The following PLA2G6 variants were observed in gnomAD, a reference collection of about 807,000 sequenced individuals.
PLA2G6 encodes the protein phospholipase A2 group VI, also known as 85/88 kDa calcium-independent phospholipase A2.
A neutral mutation model predicts 83.8 loss-of-function variants in PLA2G6; 62 were observed. The observed-to-expected ratio is 0.74, with a 90% CI of 0.60 to 0.91. The LOEUF (loss-of-function observed/expected upper bound fraction) is 0.91. Among genes scored for constraint, PLA2G6 ranks in the 40% least tolerant of loss-of-function variants. The pLI, the probability that PLA2G6 is intolerant of heterozygous loss-of-function variation, is 0.00. For synonymous variants in PLA2G6, 417 were observed against 449.8 expected, an observed-to-expected ratio of 0.93 and a Z score of 0.92; for missense variants, 944 against 1,102.0, an observed-to-expected ratio of 0.86 and a Z score of 2.03.
chr22:38,148,801 G>A (rs893995121), intron 2 of PLA2G6: 7 of 372,694 alleles, frequency 1.9e-5, no homozygotes, highest in Non-Finnish European at 2.4e-5. Context: ...TGCAATGGGA[G>A]AAGCAAAAAT....
At chr22:38,143,456 TA>T (rs2089046603) in intron 3 of PLA2G6, 168 bp from the exon 4 acceptor site, 2 of 717,302 alleles carry the variant, frequency 2.8e-6, no homozygotes, top group South Asian at 2.9e-5. Flanking sequence ...TGAATGTAAT[TA>T]TATCTGATGT....
intron 16 of PLA2G6, 70 bp from the exon 17 acceptor site, chr22:38,112,375 A>G (rs753256678): frequency 1.3e-6 from 2 of 1,574,454 alleles, no homozygotes; most frequent in Non-Finnish European, 1.7e-6. Flanking sequence ...AGCTAGGACC[A>G]GGGTGGGCTT....
intron 2 of PLA2G6, among the ~76,000 whole-genome samples, chr22:38,165,200 C>T (rs2090168162): frequency 6.6e-6 from 1 of 152,214 alleles, no homozygotes; most frequent in South Asian, 2.1e-4. Context: ...TCAATGAATA[C>T]TCTAAAGCTA....
intron 1 of PLA2G6, among the ~76,000 whole-genome samples, chr22:38,179,007 G>A (rs187405304): frequency 6.6e-6 from 1 of 152,322 alleles, no homozygotes; most frequent in Admixed American, 6.5e-5. Flanking sequence ...ATTAACTACT[G>A]AGGAGAAAAA....
chr22:38,170,378 CGA>C (rs1569301355), intron 1 of PLA2G6, among the ~76,000 whole-genome samples: 2 of 151,916 alleles, frequency 1.3e-5, no homozygotes, highest in East Asian at 1.9e-4. Context: ...CAAAGAGCTC[CGA>C]GAGACAGCAC....
chr22:38,115,834 C>T, intron 13 of PLA2G6, 153 bp from the exon 14 acceptor site: 1 of 1,476,124 alleles, frequency 6.8e-7, no homozygotes. Context: ...AAGCCACACT[C>T]TCTGGCTAGT....
chr22:38,178,563 C>T (rs1602303520), intron 1 of PLA2G6, among the ~76,000 whole-genome samples: 1 of 151,696 alleles, frequency 6.6e-6, no homozygotes, highest in Non-Finnish European at 1.5e-5. Context: ...ACAGTGAGAC[C>T]CTGTCTTAAA....
chr22:38,157,118 G>T (rs1407114467), intron 2 of PLA2G6, among the ~76,000 whole-genome samples: 1 of 151,894 alleles, frequency 6.6e-6, no homozygotes, highest in African/African-American at 2.4e-5. Flanking sequence ...AAATAATAAA[G>T]ATCATAGCAG....
At position 38,116,147 on chromosome 22, in the gene PLA2G6, C is replaced by T. The variant is rs756996512; in HGVS notation, c.1807G>A (p.Asp603Asn). The T allele has an allele frequency of 5.6e-6, 9 of 1,613,820 alleles. No individual in the cohort carries two copies. Among genetic ancestry groups the T allele is most frequent in the Middle Eastern group, 1.6e-4 (1 of 6,082 alleles). Residue 603 changes from aspartate (D) to asparagine (N), a missense_variant, in exon 13 of 17, where the codon GAT becomes AAT. Asp to Asn is a conservative substitution (Grantham distance 23). Transcript: ENST00000332509. ...PAELHLFRNY[D>N]APETVREPRF... ...GGCTCCCGGACAGTTTCTGGAGCAT[C>T]GTAGTTCCGGAAGAGGTGGAGTTCA...
chr22:38,159,163 CA>C (rs2089910500), intron 2 of PLA2G6, among the ~76,000 whole-genome samples: 1 of 152,070 alleles, frequency 6.6e-6, no homozygotes, highest in African/African-American at 2.4e-5. Context: ...AAATCACTAG[CA>C]AAACCAAACA....
intron 2 of PLA2G6, among the ~76,000 whole-genome samples, chr22:38,151,364 A>G (rs965855442): frequency 5.3e-5 from 8 of 151,746 alleles, no homozygotes; most frequent in African/African-American, 1.7e-4. Flanking sequence ...CTCCCACCTC[A>G]GCCTCCCGAG....
chr22:38,180,858 C>T (rs1432989010), intron 1 of PLA2G6, among the ~76,000 whole-genome samples: 1 of 152,126 alleles, frequency 6.6e-6, no homozygotes, highest in African/African-American at 2.4e-5. Context: ...CAGGCAGAAA[C>T]TCTAACAAAA....
In PLA2G6 at chr22:38,113,557, G is replaced by C. The variant is rs199784053; in HGVS notation, c.2132C>G (p.Pro711Arg). Residue 711 changes from proline (P) to arginine (R), a missense_variant, in exon 15 of 17, where the codon CCC (proline) becomes CGC (arginine). Physicochemically the swap from Pro to Arg is moderately radical, Grantham distance 103. Transcript: ENST00000332509. Reference sequence around the variant, plus strand: ...CTTGGCCAGCTCCCAGGGGTTGCTGGGACGGAAGACATCCACACAGGTCAC... The same window carrying C: ...CTTGGCCAGCTCCCAGGGGTTGCTGCGACGGAAGACATCCACACAGGTCAC... Reference protein sequence around the residue: ...VPVTCVDVFRPSNPWELAKTV... With the variant: ...VPVTCVDVFRRSNPWELAKTV... 4 of 1,613,992 alleles carry C rather than the reference G, an allele frequency of 2.5e-6. No homozygotes were observed. In the Admixed American group the frequency reaches 5.0e-5, roughly 20 times the overall value.
chr22:38,127,325 A>G, intron 9 of PLA2G6: 1 of 1,294,004 alleles, frequency 7.7e-7, no homozygotes, highest in South Asian at 1.2e-5. Context: ...GTGCGCAGCT[A>G]AGAAGGACGG....
chr22:38,141,912 G>C (rs2088930422), intron 4 of PLA2G6: 2 of 151,890 alleles, frequency 1.3e-5, no homozygotes, highest in South Asian at 4.2e-4. Flanking sequence ...CACATTTTCT[G>C]GGCCGGGCAC....
intron 9 of PLA2G6, chr22:38,127,468 TGA>T: frequency 7.5e-7 from 1 of 1,327,534 alleles, no homozygotes; most frequent in Non-Finnish European, 1.0e-6. Flanking sequence ...CCTGCAAAAT[TGA>T]GAGATAAAGA....
intron 1 of PLA2G6, among the ~76,000 whole-genome samples, chr22:38,170,660 C>T (rs1602273655): frequency 6.6e-6 from 1 of 152,154 alleles, no homozygotes; most frequent in African/African-American, 2.4e-5. Context: ...AGACGGAGGC[C>T]GCCCTCTGCC....
At position 38,132,992 on chromosome 22, in the gene PLA2G6, G is replaced by A. The variant is rs1301929071; in HGVS notation, c.916C>T (p.Arg306Trp). The change falls in exon 7 of 17, where the codon CGG (arginine) becomes TGG (tryptophan). Residue 306 changes from arginine to tryptophan, a missense_variant. By Grantham distance (101) the Arg-to-Trp change is moderately radical. Coordinates refer to ENST00000332509, the MANE Select transcript of PLA2G6 (RefSeq NM_003560.4). This position sits in a 1 kb window ranked among gnomAD's most constrained non-coding sequence, Gnocchi z 5.0. ...CTGGTGCTGTTCACGTTGCAGCCCC[G>A]TTTCAGCAGCATGCGGGCCATCTGC... ...NAEMARMLLK[R>W]GCNVNSTSSA... 6.4e-6 allele frequency: 10 copies of A among 1,566,800 alleles called. No homozygotes were observed. The highest frequency in any genetic ancestry group is 3.8e-5 in the Admixed American group (2 of 53,196).
At chr22:38,139,447 A>ATTTATTTATTTATTTT (rs1462918288) in intron 5 of PLA2G6, 6 of 149,114 alleles carry the variant, frequency 4.0e-5, no homozygotes, top group Admixed American at 2.0e-4. Flanking sequence ...TTATTTATTT[A>ATTTATTTATTTATTTT]TTTTTTGAGA....
Sources: gnomAD v4.1 joint callset for allele counts (sites outside exome capture counted in the v4.1 genomes callset) on GRCh38, gnomAD v4.1.1 for gene constraint, Gnocchi (gnomAD v3.1) non-coding constraint, MANE v1.5 for transcripts, NCBI Gene and HGNC (gene_info 2026-07-23, HGNC 2026-07-21) for gene names.